Variants in CYBRD1 observed in about 807,000 individuals in gnomAD.
CYBRD1 encodes plasma membrane ascorbate-dependent reductase CYBRD1.
Under a neutral mutation model 21.9 loss-of-function variants are expected in CYBRD1, and 14 were observed. The ratio of observed to expected loss-of-function variants is 0.64; its 90% confidence interval spans 0.42 to 1.00. The LOEUF (loss-of-function observed/expected upper bound fraction) is 1.00. Among genes scored for constraint, CYBRD1 ranks in the 50% least tolerant of loss-of-function variants. The pLI, the probability that CYBRD1 is intolerant of heterozygous loss-of-function variation, is 0.00. For missense variants in CYBRD1, 328 were observed against 352.5 expected (o/e 0.93, Z 0.56); for synonymous variants, 146 against 136.5 (o/e 1.07, Z -0.48).
Position 171,543,468 on chromosome 2 carries a change from T to C in CYBRD1, c.402+1675T>C, listed in dbSNP as rs57562481. 5.8e-3 allele frequency among the ~76,000 whole-genome samples: 890 copies of C among 152,200 alleles called. 13 individuals carry two copies. The highest frequency in any genetic ancestry group is 0.02 in the African/African-American group (845 of 41,514). On this transcript the variant is annotated intron_variant, in intron 2 of 3. Transcript: ENST00000321348. ...GGCTTGGAAACTCTCTGACTTCTCC[T>C]TCTCCTTCCTCCTCATCTCTTCTCC...
At chr2:171,548,469 G>A (rs1697750060) in intron 2 of CYBRD1, among the ~76,000 whole-genome samples, 1 of 152,086 alleles carries the variant, frequency 6.6e-6, no homozygotes. Flanking sequence ...GAGCTTGTCT[G>A]TCTTGTGTAG....
At chr2:171,553,306 T>C (rs1683419340) in intron 2 of CYBRD1, 40 bp from the exon 3 acceptor site, 2 of 1,608,908 alleles carry the variant, frequency 1.2e-6, no homozygotes, top group Non-Finnish European at 1.7e-6. Context: ...AGTTTAGAAC[T>C]TAAAATTAAA....
At chr2:171,550,345 A>C (rs1484096037) in intron 2 of CYBRD1, among the ~76,000 whole-genome samples, 3 of 152,016 alleles carry the variant, frequency 2.0e-5, no homozygotes, top group African/African-American at 7.2e-5. Flanking sequence ...ATCTCAAGTG[A>C]TCCTCCTGCC....
chr2:171,554,433 C>T, intron 3 of CYBRD1, 91 bp from the exon 4 acceptor site: 4 of 1,290,486 alleles, frequency 3.1e-6, no homozygotes, highest in Non-Finnish European at 4.4e-6. Flanking sequence ...TGAAACTGTA[C>T]TAGTGTGCAT....
intron 1 of CYBRD1, among the ~76,000 whole-genome samples, chr2:171,529,865 C>T (rs1697438702): frequency 6.6e-6 from 1 of 152,120 alleles, no homozygotes. Flanking sequence ...GAACAGTGCC[C>T]CCCAAAAAGG....
At chr2:171,522,459 C>T (rs1274591208), upstream of CYBRD1, 13 of 1,538,178 alleles carry the variant, frequency 8.5e-6, no homozygotes, top group Non-Finnish European at 1.1e-5. This position sits in a 1 kb window ranked among gnomAD's most constrained non-coding sequence, Gnocchi z 4.3. Context: ...GTCGACGCCC[C>T]GGTCCCGCCG....
chr2:171,539,392 G>A (rs935820457), intron 1 of CYBRD1, among the ~76,000 whole-genome samples: 2 of 152,160 alleles, frequency 1.3e-5, no homozygotes, highest in Non-Finnish European at 2.9e-5. Flanking sequence ...ACTGAGGTGG[G>A]AGGATCACCT....
At chr2:171,532,218 T>A (rs530644594) in intron 1 of CYBRD1, among the ~76,000 whole-genome samples, 1 of 152,328 alleles carries the variant, frequency 6.6e-6, no homozygotes, top group East Asian at 1.9e-4. Context: ...TTGTGGAGAC[T>A]GATAATCCTG....
intron 1 of CYBRD1, among the ~76,000 whole-genome samples, chr2:171,536,880 T>C (rs1469609907): frequency 6.6e-6 from 1 of 152,088 alleles, no homozygotes; most frequent in East Asian, 1.9e-4. Flanking sequence ...TTTTTTTTTC[T>C]GTATGTAGAT....
intron 2 of CYBRD1, among the ~76,000 whole-genome samples, chr2:171,543,639 T>C (rs1272581296): frequency 6.6e-6 from 1 of 152,212 alleles, no homozygotes; most frequent in African/African-American, 2.4e-5. Flanking sequence ...TTAAATAATA[T>C]TGATTAATTA....
intron 2 of CYBRD1, among the ~76,000 whole-genome samples, chr2:171,545,503 C>T (rs1010309752): frequency 2.0e-5 from 3 of 150,798 alleles, no homozygotes; most frequent in African/African-American, 7.3e-5. Flanking sequence ...CTCAGCCTCC[C>T]GAGTAGCTGG....
rs577078862 is a variant in CYBRD1, at chr2:171,534,819, T to C, written c.194-6766T>C. On this transcript the variant is annotated intron_variant, in intron 1 of 3. Coordinates refer to ENST00000321348, the MANE Select transcript of CYBRD1 (RefSeq NM_024843.4). Reference sequence around the variant, plus strand: ...CTTTCAACCATAAGAAAAAACATAATAGATCCCTAAGTACCCACGACCCAG... The same window carrying C: ...CTTTCAACCATAAGAAAAAACATAACAGATCCCTAAGTACCCACGACCCAG... Among the ~76,000 whole-genome samples the C allele has an allele frequency of 1.7e-3, 255 of 152,262 alleles. 2 individuals are homozygous for C. The Middle Eastern group carries it at 0.027, about 16-fold the overall frequency.
At chr2:171,538,397 A>G (rs1697576492) in intron 1 of CYBRD1, among the ~76,000 whole-genome samples, 1 of 152,208 alleles carries the variant, frequency 6.6e-6, no homozygotes, top group Non-Finnish European at 1.5e-5. Flanking sequence ...AAGATGAAGT[A>G]GGGGTGAGAG....
chr2:171,531,015 C>T (rs373931162), intron 1 of CYBRD1, among the ~76,000 whole-genome samples: 6 of 151,894 alleles, frequency 4.0e-5, no homozygotes, highest in South Asian at 2.1e-4. Flanking sequence ...ATTAGCCAGG[C>T]GTGCTGGTGT....
chr2:171,530,180 T>C (rs886962117), intron 1 of CYBRD1, among the ~76,000 whole-genome samples: 4 of 152,210 alleles, frequency 2.6e-5, no homozygotes, highest in African/African-American at 4.8e-5. Flanking sequence ...CTCAGGACCA[T>C]CCTGCTATTA....
In CYBRD1 at chr2:171,525,933, G is replaced by A. The variant is rs145509049; in HGVS notation, c.193+3195G>A. On this transcript the variant is annotated intron_variant, in intron 1 of 3. Transcript: ENST00000321348. ...TTGCACTTCAGCCTGGGCAACAAGA[G>A]CGAAACTCCCGTCTAAAAAAAAAAA... Among the ~76,000 whole-genome samples the A allele has an allele frequency of 3.4e-3, 404 of 119,342 alleles. 3 individuals carry two copies. Among genetic ancestry groups the A allele is most frequent in the African/African-American group, 0.012 (348 of 29,816 alleles). The allele number at this position is 119,342 out of a possible 152,430, so 78.3% of individuals were successfully genotyped here. A position where few individuals can be genotyped will look rare whatever the true frequency, so the allele number is the denominator to read the frequency against.
rs2105349824 is a variant in CYBRD1 at position 171,556,062 on chromosome 2, A to T, written c.*1235A>T. On this transcript the variant is annotated 3_prime_UTR_variant, in exon 4 of 4. Transcript: ENST00000321348. The stretch of plus-strand genomic sequence containing the variant: ...GGCCACCCATACCTGGAAATAGGCC[A>T]TAGGGCCCCTACTACTGCCAACAAG... 1 of 152,380 alleles carries T rather than the reference A, an allele frequency of 6.6e-6. No individual in the cohort carries two copies. Among genetic ancestry groups the T allele is most frequent in the East Asian group, 1.9e-4 (1 of 5,192 alleles). 9.4% of individuals were successfully genotyped at this position (152,380 alleles called of 1,614,324 possible).
At chr2:171,549,680 T>C (rs1292842636) in intron 2 of CYBRD1, among the ~76,000 whole-genome samples, 1 of 152,268 alleles carries the variant, frequency 6.6e-6, no homozygotes, top group Non-Finnish European at 1.5e-5. Context: ...AATGTAGATA[T>C]AGATATTTAA....
intron 2 of CYBRD1, among the ~76,000 whole-genome samples, chr2:171,547,612 CAT>C (rs1263021104): frequency 6.6e-6 from 1 of 152,030 alleles, no homozygotes; most frequent in African/African-American, 2.4e-5. Flanking sequence ...AATTGGAGGA[CAT>C]AATCTCCAAT....
Sources: allele counts gnomAD v4.1 joint callset (sites outside exome capture counted in the v4.1 genomes callset), GRCh38; gene constraint gnomAD v4.1.1; non-coding constraint Gnocchi (gnomAD v3.1); transcripts MANE v1.5; gene names NCBI Gene and HGNC (gene_info 2026-07-23, HGNC 2026-07-21).